Variants in ARG2 observed in about 807,000 individuals in gnomAD.
ARG2 encodes arginase 2.
ARG2 carries 21 observed loss-of-function variants against 39.4 expected under a neutral mutation model. That is an observed-to-expected ratio of 0.53 (90% CI 0.38 to 0.77). The LOEUF (loss-of-function observed/expected upper bound fraction) is 0.77. Among genes scored for constraint, ARG2 ranks in the 30% least tolerant of loss-of-function variants. The pLI is 0.00. For missense variants in ARG2, 378 were observed against 426.2 expected (o/e 0.89, Z 1.00); for synonymous variants, 150 against 156.7 (o/e 0.96, Z 0.32).
chr14:67,647,028 A>T lies in ARG2; in HGVS notation c.722+3A>T. On this transcript the variant is annotated splice_donor_region_variant and intron_variant, in intron 6 of 7. Coordinates refer to ENST00000261783, the MANE Select transcript of ARG2 (RefSeq NM_001172.4). ...ACATTTGATCTGCTGATTGGCAAGT[A>T]AGTAACTATAACTGATGTCAGGGCA... The T allele has an allele frequency of 6.3e-7, 1 of 1,592,498 alleles. No individual in the cohort carries two copies. Among genetic ancestry groups the T allele is most frequent in the Non-Finnish European group, 8.6e-7 (1 of 1,161,034 alleles).
In ARG2 at chr14:67,642,346, A is replaced by C. The variant is rs1470171196; in HGVS notation, c.345A>C (p.Thr115=). ...TGTCAGATGGCTACAGCTGTGTCAC[A>C]CTGGGAGGAGACCACAGGTAAGCTG... ...RAVSDGYSCV[T]LGGDHSLAIG... The change falls in exon 3 of 8, where the codon ACA becomes ACC. Residue 115 remains threonine (T), a synonymous_variant. Transcript: ENST00000261783. The C allele has an allele frequency of 1.2e-6, 2 of 1,613,762 alleles. No individual in the cohort carries two copies. The highest frequency in any genetic ancestry group is 3.3e-5 in the Admixed American group (2 of 59,964).
At chr14:67,638,442 C>T (rs1470484540) in intron 2 of ARG2, among the ~76,000 whole-genome samples, 1 of 152,060 alleles carries the variant, frequency 6.6e-6, no homozygotes, top group Non-Finnish European at 1.5e-5. Context: ...GGTTTGGGAC[C>T]TCTGATATAC....
rs568155585 is a variant in ARG2 at position 67,634,811 on chromosome 14, A to T, written c.185-7375A>T. On this transcript the variant is annotated intron_variant, in intron 2 of 7. Transcript: ENST00000261783. ...TAAGAGATTACAGTGGTTGGCTTAAATAATTTAACCTTTGAATAAATTTAC... is the reference window on the plus strand; with the variant it reads ...TAAGAGATTACAGTGGTTGGCTTAATTAATTTAACCTTTGAATAAATTTAC... 6.6e-5 allele frequency among the ~76,000 whole-genome samples: 10 copies of T among 152,374 alleles called. No homozygotes were observed. In the South Asian group the frequency reaches 1.4e-3, roughly 22 times the overall value.
At chr14:67,629,311 G>A (rs1210585124) in intron 2 of ARG2, among the ~76,000 whole-genome samples, 1 of 152,156 alleles carries the variant, frequency 6.6e-6, no homozygotes, top group Non-Finnish European at 1.5e-5. Context: ...ATTCCAGTCT[G>A]GCAGCATGGA....
intron 4 of ARG2, 114 bp downstream of exon 4, chr14:67,645,916 T>C (rs2037092423): frequency 1.7e-6 from 2 of 1,185,062 alleles, no homozygotes; most frequent in Admixed American, 2.2e-5. Context: ...TACCACTCCT[T>C]CATTTGTTCA....
At chr14:67,650,616 T>TC in intron 7 of ARG2, 99 bp from the exon 8 acceptor site, 1 of 1,105,072 alleles carries the variant, frequency 9.0e-7, no homozygotes, top group East Asian at 2.4e-5. Flanking sequence ...AATGGACTCT[T>TC]GTTTTTACTT....
At chr14:67,645,857 T>C in intron 4 of ARG2, 55 bp downstream of exon 4, 5 of 1,591,600 alleles carry the variant, frequency 3.1e-6, no homozygotes, top group East Asian at 2.2e-5. Context: ...TTTGCTGGAG[T>C]TGGTCTAGTT....
intron 3 of ARG2, among the ~76,000 whole-genome samples, chr14:67,644,517 CAAG>C (rs1236876751): frequency 7.9e-5 from 12 of 152,140 alleles, no homozygotes; most frequent in Non-Finnish European, 1.0e-4. Context: ...CTATATTGAC[CAAG>C]AAGGATGGTT....
At chr14:67,641,316 G>GA (rs1360159786) in intron 2 of ARG2, among the ~76,000 whole-genome samples, 1 of 151,970 alleles carries the variant, frequency 6.6e-6, no homozygotes, top group Non-Finnish European at 1.5e-5. Flanking sequence ...TCCAAAATCT[G>GA]AAAAAAATAA....
At chr14:67,650,453 T>G (rs1379978900) in intron 7 of ARG2, 1 of 465,744 alleles carries the variant, frequency 2.1e-6, no homozygotes, top group Non-Finnish European at 3.9e-6. Context: ...CTGACAATTA[T>G]GCCTGTTATG....
chr14:67,625,416 C>T (rs529864485), intron 2 of ARG2, among the ~76,000 whole-genome samples: 55 of 152,144 alleles, frequency 3.6e-4, no homozygotes, highest in African/African-American at 1.0e-3. Context: ...CGGTGGCTCA[C>T]GCCTGTAATC....
At chr14:67,633,042 G>T (rs1054547539) in intron 2 of ARG2, among the ~76,000 whole-genome samples, 2 of 151,672 alleles carry the variant, frequency 1.3e-5, no homozygotes, top group Non-Finnish European at 2.9e-5. Flanking sequence ...GGATGGTCTC[G>T]ATCTCCTGAC....
intron 2 of ARG2, among the ~76,000 whole-genome samples, chr14:67,625,328 C>T (rs1373622486): frequency 2.0e-5 from 3 of 152,026 alleles, no homozygotes; most frequent in African/African-American, 7.2e-5. Flanking sequence ...TCATAAGTGA[C>T]AAAAATTAAA....
chr14:67,620,310 T>C (rs1032751180), intron 1 of ARG2, among the ~76,000 whole-genome samples: 16 of 151,564 alleles, frequency 1.1e-4, no homozygotes, highest in Admixed American at 8.5e-4. Context: ...GGCACCCTGT[T>C]TGGGATGAGG....
chr14:67,650,658 CCTCA>C, intron 7 of ARG2, 53 bp from the exon 8 acceptor site: 2 of 1,502,388 alleles, frequency 1.3e-6, no homozygotes, highest in Admixed American at 1.7e-5. Context: ...GTGGGATGAC[CCTCA>C]CTGAGAGTAG....
intron 2 of ARG2, among the ~76,000 whole-genome samples, chr14:67,640,772 A>G (rs972794602): frequency 2.0e-5 from 3 of 152,160 alleles, no homozygotes; most frequent in Admixed American, 6.5e-5. Context: ...GTAGCATCCA[A>G]CTTAGGTGGG....
Position 67,642,793 on chromosome 14 carries a change from C to CTTTTTTTTTTTTTTTTTTTT in ARG2, c.362+438_362+457dup, listed in dbSNP as rs869215946. 4.8e-4 allele frequency among the ~76,000 whole-genome samples: 36 copies of CTTTTTTTTTTTTTTTTTTTT among 75,558 alleles called. 6 individuals carry two copies. Among genetic ancestry groups the CTTTTTTTTTTTTTTTTTTTT allele is most frequent in the African/African-American group, 1.5e-3 (28 of 18,252 alleles). 49.6% of individuals were successfully genotyped at this position (75,558 alleles called of 152,430 possible). A position where few individuals can be genotyped will look rare whatever the true frequency, so the allele number is the denominator to read the frequency against. ...CCCCTTTGGCATGTTACTACATTTT[C>CTTTTTTTTTTTTTTTTTTTT]TTTTTTTTTTTTTTTTTTTTTTTTT... On this transcript the variant is annotated intron_variant, in intron 3 of 7. Transcript: ENST00000261783.
chr14:67,646,304 G>A (rs2037098173), intron 4 of ARG2: 1 of 260,770 alleles, frequency 3.8e-6, no homozygotes, highest in Non-Finnish European at 7.3e-6. Flanking sequence ...ACCAGGTTAT[G>A]CTTCAAGAAC....
chr14:67,636,692 T>A (rs542971570), intron 2 of ARG2, among the ~76,000 whole-genome samples: 1 of 152,336 alleles, frequency 6.6e-6, no homozygotes, highest in East Asian at 1.9e-4. Flanking sequence ...AAAGGTAACA[T>A]CTGGGCCTGA....
Sources: allele counts gnomAD v4.1 joint callset (sites outside exome capture counted in the v4.1 genomes callset), GRCh38; gene constraint gnomAD v4.1.1; transcripts MANE v1.5; gene names NCBI Gene and HGNC (gene_info 2026-07-23, HGNC 2026-07-21).